AP3B2: variants seen among roughly 807,000 people sequenced by gnomAD.
AP3B2 encodes the protein AP-3 complex subunit beta-2.
Under a neutral mutation model 126.9 loss-of-function variants are expected in AP3B2, and 50 were observed. The observed-to-expected ratio is 0.39, with a 90% confidence interval of 0.31 to 0.50. The LOEUF is 0.50. Ranked by LOEUF, AP3B2 falls within the 20% of genes least tolerant of loss-of-function variation. The pLI is 0.79. For synonymous variants in AP3B2, 541 were observed against 565.0 expected (o/e 0.96, Z 0.60); for missense variants, 1,177 against 1,426.4 (o/e 0.83, Z 2.82).
rs542906859 is a variant in AP3B2, at chr15:82,659,456, A to G, written c.*104T>C. ...GAGGACACCCTGAATGCTATCTGGC[A>G]TGAGGAGGATGATGAGAGAGAGAGA... On this transcript the variant is annotated 3_prime_UTR_variant, in exon 27 of 27. Coordinates refer to ENST00000535359, the MANE Select transcript of AP3B2 (RefSeq NM_001278512.2). 14 of 1,464,322 alleles carry G rather than the reference A, an allele frequency of 9.6e-6. No individual in the cohort carries two copies. The Admixed American group carries it at 2.5e-4, about 26-fold the overall frequency. 90.7% of individuals were successfully genotyped at this position (1,464,322 alleles called of 1,614,324 possible). A position where few individuals can be genotyped will look rare whatever the true frequency, so the allele number is the denominator to read the frequency against.
At chr15:82,690,637 TTCTTC>T (rs2048511558) in intron 1 of AP3B2, among the ~76,000 whole-genome samples, 1 of 146,438 alleles carries the variant, frequency 6.8e-6, no homozygotes, top group Non-Finnish European at 1.5e-5. Flanking sequence ...CCACATTTTC[TTCTTC>T]TTTTTTTTTT....
In AP3B2 at chr15:82,689,249, A is replaced by G; in HGVS notation, c.190-17T>C. The G allele has an allele frequency of 6.2e-7, 1 of 1,613,960 alleles. No individual in the cohort carries two copies. Among genetic ancestry groups the G allele is most frequent in the Non-Finnish European group, 8.5e-7 (1 of 1,179,856 alleles). On this transcript the variant is annotated splice_polypyrimidine_tract_variant and intron_variant, in intron 2 of 26. Transcript: ENST00000535359. ...GGCAATCATCTGGGTGGTGGGGTCA[A>G]GGTAGGGGAAGAGGGACAAAGCGAG...
rs1190199299 is a variant in AP3B2 at position 82,664,229 on chromosome 15, C to T, written c.2261+138G>A. On this transcript the variant is annotated intron_variant, in intron 19 of 26. Coordinates refer to ENST00000535359, the MANE Select transcript of AP3B2 (RefSeq NM_001278512.2). The surrounding 1 kb of genome is among the most constrained non-coding windows in gnomAD (Gnocchi z 4.5). ...ATCTCCTGCAGCCAGCGAAAGTAGG[C>T]GTCATGTGAGCTGACAGCCCCACCC... 1.1e-5 allele frequency: 15 copies of T among 1,398,250 alleles called. No homozygotes were observed. The highest frequency in any genetic ancestry group is 5.7e-5 in the African/African-American group (4 of 70,228). 86.6% of individuals were successfully genotyped at this position (1,398,250 alleles called of 1,614,324 possible). A position where few individuals can be genotyped will look rare whatever the true frequency, so the allele number is the denominator to read the frequency against.
rs2048030504 is a variant in AP3B2 at position 82,665,228 on chromosome 15, CG to C, written c.2028+18del. 1.3e-6 allele frequency: 2 copies of C among 1,536,046 alleles called. No homozygotes were observed. The highest frequency in any genetic ancestry group is 4.9e-5 in the East Asian group (2 of 41,040). ...CAGACAGGGCAGGGGAGAGAGCACA[CG>C]TCACACGAAGGTGGGACCTCAGTGT... On this transcript the variant is annotated intron_variant, in intron 17 of 26. Coordinates refer to ENST00000535359, the MANE Select transcript of AP3B2 (RefSeq NM_001278512.2). This position sits in a 1 kb window ranked among gnomAD's most constrained non-coding sequence, Gnocchi z 4.4.
At chr15:82,701,366 C>T (rs1340732846) in intron 1 of AP3B2, among the ~76,000 whole-genome samples, 12 of 152,050 alleles carry the variant, frequency 7.9e-5, no homozygotes, top group Admixed American at 5.2e-4. Context: ...TAGGCTCTCC[C>T]GCCTAATATT....
Position 82,681,385 on chromosome 15 carries a change from C to G in AP3B2, c.521+35G>C. The G allele has an allele frequency of 1.2e-5, 19 of 1,608,552 alleles. No individual in the cohort carries two copies. The highest frequency in any genetic ancestry group is 1.5e-5 in the Non-Finnish European group (18 of 1,176,928). On this transcript the variant is annotated intron_variant, in intron 5 of 26. Coordinates refer to ENST00000535359, the MANE Select transcript of AP3B2 (RefSeq NM_001278512.2). This position sits in a 1 kb window ranked among gnomAD's most constrained non-coding sequence, Gnocchi z 4.0. The stretch of plus-strand genomic sequence containing the variant: ...GGTGGGTTGAGAACTTAGGAACCAG[C>G]CTCCTGGGGAGCGTGGGACAGGGCT...
chr15:82,680,257 CG>C lies in AP3B2; in HGVS notation c.1056-29del. On this transcript the variant is annotated intron_variant, in intron 8 of 26. Transcript: ENST00000535359. The surrounding 1 kb of genome is among the most constrained non-coding windows in gnomAD (Gnocchi z 6.1). ...GCGGAGAGGACGGGTCAGAGCACCC[CG>C]GGCCCCTCGGTTGGGGCAAGGGTCA... The C allele has an allele frequency of 6.2e-7, 1 of 1,613,172 alleles. No individual in the cohort carries two copies. Among genetic ancestry groups the C allele is most frequent in the Non-Finnish European group, 8.5e-7 (1 of 1,179,662 alleles).
intron 1 of AP3B2, among the ~76,000 whole-genome samples, chr15:82,698,670 C>A (rs2048668148): frequency 6.6e-6 from 1 of 152,100 alleles, no homozygotes; most frequent in Admixed American, 6.5e-5. Context: ...TCTGAGGAGT[C>A]ACCCTGGGAT....
chr15:82,707,521 G>C (rs957424840), intron 1 of AP3B2, among the ~76,000 whole-genome samples: 4 of 152,098 alleles, frequency 2.6e-5, no homozygotes, highest in African/African-American at 9.7e-5. Flanking sequence ...CCCTGCTCTT[G>C]TTTACACTGC....
chr15:82,675,010 G>A (rs889707603), intron 14 of AP3B2, among the ~76,000 whole-genome samples: 2 of 152,190 alleles, frequency 1.3e-5, no homozygotes, highest in Admixed American at 6.5e-5. Flanking sequence ...CTACCTGGGT[G>A]GCTCCCCACC....
chr15:82,686,061 T>C (rs1232148660), intron 4 of AP3B2: 2 of 152,254 alleles, frequency 1.3e-5, no homozygotes, highest in Non-Finnish European at 2.9e-5. Flanking sequence ...CTCAGTCTTT[T>C]GCCCTGGTCC....
At chr15:82,663,480 G>A (rs1596166916) in intron 21 of AP3B2, 80 bp downstream of exon 21, 10 of 1,494,992 alleles carry the variant, frequency 6.7e-6, no homozygotes, top group Non-Finnish European at 6.5e-6. Flanking sequence ...TGAGGAACCC[G>A]ATCCAGAGTC....
At position 82,680,384 on chromosome 15, in the gene AP3B2, G is replaced by T. The variant is rs893956859; in HGVS notation, c.1055+88C>A. On this transcript the variant is annotated intron_variant, in intron 8 of 26. Coordinates refer to ENST00000535359, the MANE Select transcript of AP3B2 (RefSeq NM_001278512.2). The surrounding 1 kb of genome is among the most constrained non-coding windows in gnomAD (Gnocchi z 6.1). Reference sequence around the variant, plus strand: ...GGAGCGGGTGGGCAGAGGTGGAAGCGGCTGGTGGGCGTGAGGGGGCGGAGC... The same window carrying T: ...GGAGCGGGTGGGCAGAGGTGGAAGCTGCTGGTGGGCGTGAGGGGGCGGAGC... The T allele has an allele frequency of 4.2e-4, 605 of 1,453,840 alleles. No individual in the cohort carries two copies. The highest frequency in any genetic ancestry group is 5.3e-4 in the Non-Finnish European group (586 of 1,095,428). The allele number at this position is 1,453,840 out of a possible 1,614,324, so 90.1% of individuals were successfully genotyped here.
At position 82,664,966 on chromosome 15, in the gene AP3B2, G is replaced by A. The variant is rs759854493; in HGVS notation, c.2029-23C>T. 1.9e-6 allele frequency: 3 copies of A among 1,548,678 alleles called. No individual in the cohort carries two copies. In the South Asian group the frequency reaches 3.5e-5, roughly 18 times the overall value. On this transcript the variant is annotated intron_variant, in intron 17 of 26. Coordinates refer to ENST00000535359, the MANE Select transcript of AP3B2 (RefSeq NM_001278512.2). The surrounding 1 kb of genome is among the most constrained non-coding windows in gnomAD (Gnocchi z 4.5). ...TACCTGGAGATGGGGGTAGGGTGCA[G>A]GGTCATTTCATCATGGTTGGGGAGA...
Position 82,665,102 on chromosome 15 carries a change from A to G in AP3B2, c.2028+145T>C, listed in dbSNP as rs186874711. On this transcript the variant is annotated intron_variant, in intron 17 of 26. Coordinates refer to ENST00000535359, the MANE Select transcript of AP3B2 (RefSeq NM_001278512.2). This position sits in a 1 kb window ranked among gnomAD's most constrained non-coding sequence, Gnocchi z 4.4. ...AGGAAGAAAGGGGCACTGTCCATGG[A>G]GGGGAGGGAATGCTGCTCACAGAGG... 3.6e-4 allele frequency: 380 copies of G among 1,047,796 alleles called. 4 individuals are homozygous for G. The highest frequency in any genetic ancestry group is 2.4e-3 in the South Asian group (163 of 67,270). The allele number at this position is 1,047,796 out of a possible 1,614,324, so 64.9% of individuals were successfully genotyped here.
At chr15:82,693,187 C>G (rs1187718594) in intron 1 of AP3B2, among the ~76,000 whole-genome samples, 1 of 128,846 alleles carries the variant, frequency 7.8e-6, no homozygotes, top group Non-Finnish European at 1.6e-5. Context: ...AATCTCCCCC[C>G]GCCCCCACCC....
At chr15:82,689,060 G>C (rs772734940) in intron 3 of AP3B2, 98 bp downstream of exon 3, 2 of 1,372,632 alleles carry the variant, frequency 1.5e-6, no homozygotes, top group African/African-American at 1.4e-5. Context: ...TCAGCAGGTC[G>C]GGCCCCCAGG....
intron 13 of AP3B2, 83 bp from the exon 14 acceptor site, chr15:82,676,720 T>C: frequency 7.2e-7 from 1 of 1,381,728 alleles, no homozygotes; most frequent in Non-Finnish European, 1.0e-6. Flanking sequence ...GAAACAGCAC[T>C]CCTCATCTGT....
rs2048245205 is a variant in AP3B2 at position 82,676,545 on chromosome 15, G to C, written c.1581C>G (p.Ala527=). Residue 527 remains alanine, a synonymous_variant, in exon 14 of 27, where the codon GCC becomes GCG. Coordinates refer to ENST00000535359, the MANE Select transcript of AP3B2 (RefSeq NM_001278512.2). ...RIAPDVLRKM[A]KSFTAEEDIV... is the part of the protein sequence containing the mutation. ...TATCCTCCTCTGCTGTGAATGACTT[G>C]GCCATTTTTCTTAAGACATCAGGTG... 6.2e-6 allele frequency: 10 copies of C among 1,613,978 alleles called. No individual in the cohort carries two copies. The highest frequency in any genetic ancestry group is 1.3e-5 in the African/African-American group (1 of 75,036).
Sources: gnomAD v4.1 joint callset for allele counts (sites outside exome capture counted in the v4.1 genomes callset) on GRCh38, gnomAD v4.1.1 for gene constraint, Gnocchi (gnomAD v3.1) non-coding constraint, MANE v1.5 for transcripts, NCBI Gene and HGNC (gene_info 2026-07-23, HGNC 2026-07-21) for gene names.